Variants in CREG2 observed in about 807,000 individuals in gnomAD.
CREG2 encodes the protein cellular repressor of E1A stimulated genes 2.
Under a neutral mutation model 26.2 loss-of-function variants are expected in CREG2, and 24 were observed. That is an observed-to-expected ratio of 0.92 (90% CI 0.66 to 1.29). CREG2 has a LOEUF of 1.29. CREG2 is among the 50% of genes most tolerant of loss of function. The pLI, the probability that CREG2 is intolerant of heterozygous loss-of-function variation, is 0.00. For synonymous variants in CREG2, 174 were observed against 169.2 expected (o/e 1.03, Z -0.22); for missense variants, 366 against 398.6 (o/e 0.92, Z 0.70).
rs868863015 is a variant in CREG2, at chr2:101,347,029, C to T, written c.*3894G>A. 2.0e-5 allele frequency: 3 copies of T among 152,188 alleles called. No homozygotes were observed. Among genetic ancestry groups the T allele is most frequent in the Non-Finnish European group, 4.4e-5 (3 of 68,036 alleles). The allele number at this position is 152,188 out of a possible 1,614,324, so 9.4% of individuals were successfully genotyped here. ...GCAACCCCTAATCTATTCTCCATTCCTATAATTTTGCATTTCAAAATGTTA... is the reference window on the plus strand; with the variant it reads ...GCAACCCCTAATCTATTCTCCATTCTTATAATTTTGCATTTCAAAATGTTA... On this transcript the variant is annotated 3_prime_UTR_variant, in exon 4 of 4. Transcript: ENST00000324768.
At chr2:101,357,454 G>A (rs887548637) in intron 2 of CREG2, among the ~76,000 whole-genome samples, 8 of 152,176 alleles carry the variant, frequency 5.3e-5, no homozygotes, top group Non-Finnish European at 7.3e-5. Flanking sequence ...AAATCCACAA[G>A]AGAAAGCTCT....
rs1241323461 is a variant in CREG2 at position 101,387,187 on chromosome 2, C to G, written c.271G>C (p.Ala91Pro). The change falls in exon 1 of 4, where the codon GCC becomes CCC. Residue 91 changes from alanine to proline, a missense_variant. Ala to Pro is a conservative substitution (Grantham distance 27, BLOSUM62 -1). Around this residue, in one of 3 missense-constraint regions of CREG2, gnomAD observed 177 missense variants for 183.3 expected, o/e 0.97. Transcript: ENST00000324768. The surrounding 1 kb of genome is among the most constrained non-coding windows in gnomAD (Gnocchi z 4.7). ...EDAHLRPRAG[A>P]ARARPPPAPP... ...GCGGGGGGCGGCCTGGCCCGGGCGG[C>G]GCCCGCCCGGGGCCGCAGGTGCGCG... The G allele has an allele frequency of 7.4e-7, 1 of 1,342,304 alleles. No homozygotes were observed. The highest frequency in any genetic ancestry group is 9.6e-7 in the Non-Finnish European group (1 of 1,036,408). The allele number at this position is 1,342,304 out of a possible 1,614,324, so 83.1% of individuals were successfully genotyped here.
chr2:101,380,779 T>TAA (rs35240660), intron 2 of CREG2, among the ~76,000 whole-genome samples: 1 of 151,452 alleles, frequency 6.6e-6, no homozygotes, highest in Non-Finnish European at 1.5e-5. Flanking sequence ...CCATCCCTAC[T>TAA]AAAAAAAATA....
Position 101,347,548 on chromosome 2 carries a change from T to A in CREG2, c.*3375A>T, listed in dbSNP as rs1453496611. Reference sequence around the variant, plus strand: ...TAGTGATATCTCATTGTAGTATTAGTTTGCAGTTCCCCTAGTGACTAGTGC... The same window carrying A: ...TAGTGATATCTCATTGTAGTATTAGATTGCAGTTCCCCTAGTGACTAGTGC... On this transcript the variant is annotated 3_prime_UTR_variant, in exon 4 of 4. Coordinates refer to ENST00000324768, the MANE Select transcript of CREG2 (RefSeq NM_153836.4). The A allele has an allele frequency of 1.3e-5, 2 of 152,322 alleles. No individual in the cohort carries two copies. Among genetic ancestry groups the A allele is most frequent in the East Asian group, 3.9e-4 (2 of 5,182 alleles). The allele number at this position is 152,322 out of a possible 1,614,324, so 9.4% of individuals were successfully genotyped here.
At chr2:101,356,080 G>A (rs924137672) in intron 2 of CREG2, among the ~76,000 whole-genome samples, 2 of 152,168 alleles carry the variant, frequency 1.3e-5, no homozygotes, top group African/African-American at 4.8e-5. Context: ...AGGGGCTGGT[G>A]CAGGAAGGTG....
At chr2:101,369,795 C>T (rs564545168) in intron 2 of CREG2, among the ~76,000 whole-genome samples, 1 of 152,230 alleles carries the variant, frequency 6.6e-6, no homozygotes, top group Admixed American at 6.5e-5. Context: ...CACGCGAATG[C>T]TTTATTGGAA....
At chr2:101,351,314 A>G (rs1282267656) in intron 3 of CREG2, among the ~76,000 whole-genome samples, 2 of 152,192 alleles carry the variant, frequency 1.3e-5, no homozygotes, top group African/African-American at 4.8e-5. Context: ...TGTGAATCTC[A>G]GTTCAACTGC....
chr2:101,372,286 T>C (rs1684720505), intron 2 of CREG2, among the ~76,000 whole-genome samples: 1 of 152,228 alleles, frequency 6.6e-6, no homozygotes, highest in Non-Finnish European at 1.5e-5. Context: ...CGCCTACGCA[T>C]GCCTGGCTTA....
At chr2:101,366,586 G>A (rs1297172633) in intron 2 of CREG2, among the ~76,000 whole-genome samples, 1 of 152,190 alleles carries the variant, frequency 6.6e-6, no homozygotes, top group Non-Finnish European at 1.5e-5. Flanking sequence ...ACTTTGGGGG[G>A]CTGAGGCAGA....
At chr2:101,370,247 C>A (rs1306196672) in intron 2 of CREG2, among the ~76,000 whole-genome samples, 1 of 152,146 alleles carries the variant, frequency 6.6e-6, no homozygotes, top group Non-Finnish European at 1.5e-5. Flanking sequence ...ACTGTTCCTC[C>A]CTTTATACAT....
chr2:101,377,311 T>A (rs921194299), intron 2 of CREG2, among the ~76,000 whole-genome samples: 1 of 152,176 alleles, frequency 6.6e-6, no homozygotes, highest in South Asian at 2.1e-4. Context: ...TCTTTGGGTT[T>A]CATTTACATC....
chr2:101,362,721 A>T (rs986350345), intron 2 of CREG2, among the ~76,000 whole-genome samples: 7 of 152,198 alleles, frequency 4.6e-5, no homozygotes, highest in Non-Finnish European at 8.8e-5. Flanking sequence ...TCTCTCCTTC[A>T]GGCCAGTGGA....
In CREG2 at chr2:101,347,539, T is replaced by C. The variant is rs369432796; in HGVS notation, c.*3384A>G. 2.6e-5 allele frequency: 4 copies of C among 152,310 alleles called. No individual in the cohort carries two copies. In the East Asian group the frequency reaches 7.7e-4, roughly 29 times the overall value. 9.4% of individuals were successfully genotyped at this position (152,310 alleles called of 1,614,324 possible). On this transcript the variant is annotated 3_prime_UTR_variant, in exon 4 of 4. Transcript: ENST00000324768. ...GTAGCTATGTAGTGATATCTCATTG[T>C]AGTATTAGTTTGCAGTTCCCCTAGT...
rs763269125 is a variant in CREG2 at position 101,350,885 on chromosome 2, A to G, written c.*38T>C. 1.2e-6 allele frequency: 2 copies of G among 1,608,792 alleles called. No homozygotes were observed. The highest frequency in any genetic ancestry group is 2.2e-5 in the South Asian group (2 of 90,596). On this transcript the variant is annotated 3_prime_UTR_variant, in exon 4 of 4. Coordinates refer to ENST00000324768, the MANE Select transcript of CREG2 (RefSeq NM_153836.4). ...TGGCTGCATCACTGAAAAGGTTTTCATTTAAGTGCAAACACCAAGGACTTT... is the reference window on the plus strand; with the variant it reads ...TGGCTGCATCACTGAAAAGGTTTTCGTTTAAGTGCAAACACCAAGGACTTT...
At chr2:101,363,165 G>C (rs1488937228) in intron 2 of CREG2, among the ~76,000 whole-genome samples, 1 of 152,200 alleles carries the variant, frequency 6.6e-6, no homozygotes, top group Non-Finnish European at 1.5e-5. Context: ...TCTGTTCTTA[G>C]CGGGTGGGTT....
At chr2:101,384,369 C>T (rs1414466503) in intron 1 of CREG2, among the ~76,000 whole-genome samples, 1 of 152,140 alleles carries the variant, frequency 6.6e-6, no homozygotes, top group Non-Finnish European at 1.5e-5. Context: ...CATGATCACC[C>T]ACTAGGGTGG....
At chr2:101,356,658 C>T (rs140683715) in intron 2 of CREG2, among the ~76,000 whole-genome samples, 14 of 152,122 alleles carry the variant, frequency 9.2e-5, no homozygotes, top group Middle Eastern at 3.4e-3. Flanking sequence ...AGTAGTACAA[C>T]GCTTCTGTCT....
At position 101,355,372 on chromosome 2, in the gene CREG2, T is replaced by C. The variant is rs1166799222; in HGVS notation, c.612-6A>G. 6.3e-7 allele frequency: 1 copy of C among 1,588,538 alleles called. No homozygotes were observed. Among genetic ancestry groups the C allele is most frequent in the East Asian group, 2.2e-5 (1 of 44,736 alleles). On this transcript the variant is annotated splice_region_variant and splice_polypyrimidine_tract_variant and intron_variant, in intron 2 of 3. Transcript: ENST00000324768. ...CCGGATCAACGATGTTTTTTCTGCATGTGAAAAACATTTTTTGTATATCAG... is the reference window on the plus strand; with the variant it reads ...CCGGATCAACGATGTTTTTTCTGCACGTGAAAAACATTTTTTGTATATCAG...
At position 101,381,615 on chromosome 2, in the gene CREG2, G is replaced by T. The variant is rs182794213; in HGVS notation, c.611+1918C>A. Among the ~76,000 whole-genome samples, 5 of 152,348 alleles carry T rather than the reference G, an allele frequency of 3.3e-5. No homozygotes were observed. In the East Asian group the frequency reaches 9.7e-4, roughly 29 times the overall value. ...TTTCAATACTTCAGAAGCTTAAACA[G>T]TGTCAGGGGTATAGCAGTTCTGAGA... is the stretch of plus-strand genomic sequence containing the variant. On this transcript the variant is annotated intron_variant, in intron 2 of 3. Transcript: ENST00000324768.
Sources: gnomAD v4.1 joint callset for allele counts (sites outside exome capture counted in the v4.1 genomes callset) on GRCh38, gnomAD v4.1.1 for gene constraint, gnomAD v4.1.1 regional missense constraint, Gnocchi (gnomAD v3.1) non-coding constraint, MANE v1.5 for transcripts, NCBI Gene and HGNC (gene_info 2026-07-23, HGNC 2026-07-21) for gene names.